The following RAVER2 variants were observed in gnomAD, a reference collection of about 807,000 sequenced individuals.
The protein encoded by RAVER2 is ribonucleoprotein PTB-binding 2.
RAVER2 carries 46 observed loss-of-function variants against 78.1 expected under a neutral mutation model. The ratio of observed to expected loss-of-function variants is 0.59; its 90% CI spans 0.46 to 0.75. RAVER2 has a LOEUF of 0.75. Ranked by LOEUF, RAVER2 falls within the 30% of genes least tolerant of loss-of-function variation. The pLI is 0.00. For synonymous variants in RAVER2, 311 were observed against 313.3 expected (o/e 0.99, Z 0.08); for missense variants, 793 against 837.5 (o/e 0.95, Z 0.66).
chr1:64,803,068 A>C lies in RAVER2; in HGVS notation c.1191+7A>C. 1 of 1,561,708 alleles carries C rather than the reference A, an allele frequency of 6.4e-7. No individual in the cohort carries two copies. The highest frequency in any genetic ancestry group is 1.4e-5 in the African/African-American group (1 of 73,768). ...TTTGAATAAAGCACATCAGGTACAT[A>C]AATAACATTGAGTACTGAAGCATTA... On this transcript the variant is annotated splice_region_variant and intron_variant, in intron 6 of 11. Transcript: ENST00000294428.
At chr1:64,788,787 G>A (rs1031371273) in intron 4 of RAVER2, among the ~76,000 whole-genome samples, 6 of 122,812 alleles carry the variant, frequency 4.9e-5, no homozygotes, top group East Asian at 4.5e-4. Context: ...GCGAGACTCC[G>A]TCTCAAAAAA....
intron 1 of RAVER2, among the ~76,000 whole-genome samples, chr1:64,747,658 G>C (rs1651579635): frequency 6.6e-6 from 1 of 151,882 alleles, no homozygotes; most frequent in East Asian, 1.9e-4. Flanking sequence ...GATTACATAA[G>C]CCTGCCACCA....
intron 1 of RAVER2, among the ~76,000 whole-genome samples, chr1:64,749,645 A>G (rs1474258457): frequency 6.6e-6 from 1 of 152,224 alleles, no homozygotes; most frequent in Non-Finnish European, 1.5e-5. Flanking sequence ...TATAGTGAAT[A>G]ATATTTATAA....
chr1:64,787,025 C>G (rs1487344596), intron 4 of RAVER2, among the ~76,000 whole-genome samples: 3 of 152,046 alleles, frequency 2.0e-5, no homozygotes, highest in African/African-American at 7.3e-5. Flanking sequence ...GTGAGGGCTG[C>G]TATTATTTTT....
At chr1:64,803,027 C>T (rs764101143) in exon 6 of RAVER2, 2 of 1,608,386 alleles carry the variant, frequency 1.2e-6, no homozygotes, top group Middle Eastern at 3.3e-4. Flanking sequence ...CCATCCATCT[C>T]TCCTGCATTT....
At chr1:64,788,254 C>T (rs1161056499) in intron 4 of RAVER2, among the ~76,000 whole-genome samples, 1 of 151,860 alleles carries the variant, frequency 6.6e-6, no homozygotes, top group African/African-American at 2.4e-5. Flanking sequence ...GGGTGGATCA[C>T]GAGGTCAGGA....
exon 4 of RAVER2, chr1:64,781,404 G>A (rs761161926): frequency 1.6e-5 from 26 of 1,610,894 alleles, no homozygotes; most frequent in South Asian, 5.5e-5. Flanking sequence ...AGGTAGTTAC[G>A]TTGGTGGCTT....
intron 1 of RAVER2, 131 bp from the exon 2 acceptor site, chr1:64,768,525 A>C (rs1652232336): frequency 3.1e-6 from 2 of 654,050 alleles, no homozygotes; most frequent in Non-Finnish European, 5.5e-6. Flanking sequence ...ATGGGGATCC[A>C]TGAAATAATT....
At chr1:64,781,272 A>G in intron 3 of RAVER2, 108 bp from the exon 4 acceptor site, 1 of 960,572 alleles carries the variant, frequency 1.0e-6, no homozygotes, top group Non-Finnish European at 1.5e-6. Flanking sequence ...TATTTCCACC[A>G]GTATCATGCT....
intron 5 of RAVER2, among the ~76,000 whole-genome samples, chr1:64,800,325 C>A (rs999605906): frequency 1.3e-5 from 2 of 152,028 alleles, no homozygotes; most frequent in African/African-American, 4.8e-5. Flanking sequence ...GATTTTGTTG[C>A]CTGTGCTTGT....
At position 64,745,488 on chromosome 1, in the gene RAVER2, G is replaced by A. The variant is rs969663974; in HGVS notation, c.249+67G>A. The A allele has an allele frequency of 1.4e-4, 200 of 1,449,454 alleles. No homozygotes were observed. In the South Asian group the frequency reaches 2.0e-3, roughly 14 times the overall value. The allele number at this position is 1,449,454 out of a possible 1,614,324, so 89.8% of individuals were successfully genotyped here. Reference sequence around the variant, plus strand: ...CGGGGCGGCGCTCCGTGTCCAGGCTGGGATCGGGGGCGCCTCAGAGCGGTC... The same window carrying A: ...CGGGGCGGCGCTCCGTGTCCAGGCTAGGATCGGGGGCGCCTCAGAGCGGTC... On this transcript the variant is annotated intron_variant, in intron 1 of 11. Transcript: ENST00000294428. This position sits in a 1 kb window ranked among gnomAD's most constrained non-coding sequence, Gnocchi z 4.3.
chr1:64,813,296 G>A (rs773264412), intron 10 of RAVER2, among the ~76,000 whole-genome samples: 9 of 152,184 alleles, frequency 5.9e-5, no homozygotes, highest in Non-Finnish European at 1.3e-4. Flanking sequence ...CTGCAACATT[G>A]GTTGTAAATA....
At chr1:64,755,197 T>A (rs955368798) in intron 1 of RAVER2, among the ~76,000 whole-genome samples, 20 of 152,224 alleles carry the variant, frequency 1.3e-4, no homozygotes, top group African/African-American at 3.9e-4. Context: ...CTGTTTAATG[T>A]CTTCACAATA....
At chr1:64,793,280 A>G (rs17389481) in intron 5 of RAVER2, among the ~76,000 whole-genome samples, 19,333 of 152,220 alleles carry the variant, frequency 0.13, 1,502 homozygotes, top group Admixed American at 0.22. Flanking sequence ...AAAACAACTG[A>G]CATATATTAT....
chr1:64,760,505 C>T (rs527318180), intron 1 of RAVER2, among the ~76,000 whole-genome samples: 1 of 152,076 alleles, frequency 6.6e-6, no homozygotes, highest in South Asian at 2.1e-4. Context: ...CAAGATGTAC[C>T]AAGACCTAAA....
Position 64,791,079 on chromosome 1 carries a change from GA to G in RAVER2, c.1105+1567del, listed in dbSNP as rs555754983. 3.0e-3 allele frequency among the ~76,000 whole-genome samples: 450 copies of G among 152,288 alleles called. 3 individuals are homozygous for G. The highest frequency in any genetic ancestry group is 0.01 in the African/African-American group (429 of 41,570). On this transcript the variant is annotated intron_variant, in intron 5 of 11. Transcript: ENST00000294428. The stretch of plus-strand genomic sequence containing the variant: ...GAACTTAGGAAAGCACTATGCTTAT[GA>G]ATACAGTTTTATTATAAAGAGCACA...
intron 9 of RAVER2, among the ~76,000 whole-genome samples, chr1:64,810,829 C>A (rs906124140): frequency 6.6e-6 from 1 of 152,074 alleles, no homozygotes; most frequent in Non-Finnish European, 1.5e-5. Flanking sequence ...GACCCTAGAA[C>A]AACACGGGTT....
rs1462729839 is a variant in RAVER2 at position 64,803,707 on chromosome 1, G to A, written c.1191+646G>A. 2.6e-5 allele frequency among the ~76,000 whole-genome samples: 4 copies of A among 152,028 alleles called. No homozygotes were observed. The East Asian group carries it at 7.7e-4, about 29-fold the overall frequency. On this transcript the variant is annotated intron_variant, in intron 6 of 11. Coordinates refer to ENST00000294428, the Ensembl canonical transcript of RAVER2. ...ATCCTTAGAATCTAACACAGGACTT[G>A]GTGATACATTATAGAGTTTTTATTC...
At chr1:64,790,404 C>T (rs1652903060) in intron 5 of RAVER2, among the ~76,000 whole-genome samples, 1 of 152,150 alleles carries the variant, frequency 6.6e-6, no homozygotes, top group Admixed American at 6.6e-5. Flanking sequence ...ATCACATCAC[C>T]TGTCATGGTA....
Sources: gnomAD v4.1 joint callset for allele counts (sites outside exome capture counted in the v4.1 genomes callset) on GRCh38, gnomAD v4.1.1 for gene constraint, Gnocchi (gnomAD v3.1) non-coding constraint, MANE v1.5 for transcripts, NCBI Gene and HGNC (gene_info 2026-07-23, HGNC 2026-07-21) for gene names.